Variants in KHDRBS2 observed in about 807,000 individuals in gnomAD.
KHDRBS2 encodes the protein KH RNA binding domain containing, signal transduction associated 2.
A neutral mutation model predicts 44.3 loss-of-function variants in KHDRBS2; 26 were observed. The ratio of observed to expected loss-of-function variants is 0.59; its 90% CI spans 0.43 to 0.81. The LOEUF is 0.81. KHDRBS2 is among the 40% of genes least tolerant of loss of function. The probability of loss-of-function intolerance (pLI) is 0.00; values close to 1 mark genes in which losing one functional copy is unlikely to be tolerated. For missense variants in KHDRBS2, 476 were observed against 433.1 expected (o/e 1.10, Z -0.88); for synonymous variants, 194 against 151.1 (o/e 1.28, Z -2.08).
intron 1 of KHDRBS2, among the ~76,000 whole-genome samples, chr6:62,254,125 A>G (rs1236056124): frequency 3.9e-5 from 6 of 152,058 alleles, no homozygotes; most frequent in Admixed American, 3.9e-4. Flanking sequence ...AAACAATTAC[A>G]TGATAACATT....
chr6:61,568,031 A>T, the KHDRBS2 span, among the ~76,000 whole-genome samples: 73 of 152,262 alleles, frequency 4.8e-4, no homozygotes, highest in Non-Finnish European at 9.4e-4. Context: ...AGAGAGATAC[A>T]GGTCCAATGT....
chr6:61,772,899 T>C, intron 6 of KHDRBS2, among the ~76,000 whole-genome samples: 1 of 152,136 alleles, frequency 6.6e-6, no homozygotes, highest in Non-Finnish European at 1.5e-5. Flanking sequence ...TGTTTGGTTT[T>C]TTGTTCTTGC....
At chr6:61,602,513 A>G in the KHDRBS2 span, among the ~76,000 whole-genome samples, 2 of 151,970 alleles carry the variant, frequency 1.3e-5, no homozygotes, top group Non-Finnish European at 2.9e-5. Flanking sequence ...AGCCCCTGGA[A>G]CTCTGGCCCA....
At chr6:61,695,108 G>A (rs913793955) in intron 8 of KHDRBS2, among the ~76,000 whole-genome samples, 2 of 152,020 alleles carry the variant, frequency 1.3e-5, no homozygotes, top group Non-Finnish European at 2.9e-5. Context: ...TAGGAAGGAC[G>A]ATTTAGGATT....
chr6:61,796,544 G>T (rs530997711), intron 6 of KHDRBS2, among the ~76,000 whole-genome samples: 1 of 151,574 alleles, frequency 6.6e-6, no homozygotes, highest in South Asian at 2.1e-4. Context: ...TTCTTAAAGG[G>T]TACATTAAAA....
At chr6:62,249,804 C>T (rs766730625) in intron 1 of KHDRBS2, among the ~76,000 whole-genome samples, 1 of 152,016 alleles carries the variant, frequency 6.6e-6, no homozygotes, top group South Asian at 2.1e-4. Flanking sequence ...AGAACATGCT[C>T]TTCCACTCTC....
chr6:61,804,664 T>G (rs1174395372), intron 6 of KHDRBS2, among the ~76,000 whole-genome samples: 3 of 152,226 alleles, frequency 2.0e-5, no homozygotes, highest in African/African-American at 7.2e-5. Flanking sequence ...TCTTGATTTC[T>G]GTAGACCTGC....
the KHDRBS2 span, among the ~76,000 whole-genome samples, chr6:61,653,776 G>C: frequency 1.3e-5 from 2 of 151,962 alleles, no homozygotes; most frequent in African/African-American, 4.8e-5. Flanking sequence ...TTATAACATA[G>C]CAAAAGAAAG....
chr6:61,973,563 A>G (rs1393207450), intron 4 of KHDRBS2, among the ~76,000 whole-genome samples: 1 of 152,206 alleles, frequency 6.6e-6, no homozygotes, highest in Non-Finnish European at 1.5e-5. Context: ...AATCACAGCT[A>G]TCACTAAGAC....
At chr6:61,891,841 A>G (rs1284119382) in intron 6 of KHDRBS2, among the ~76,000 whole-genome samples, 3 of 152,176 alleles carry the variant, frequency 2.0e-5, no homozygotes, top group African/African-American at 7.2e-5. Flanking sequence ...AAACTGGCAC[A>G]AGACAGGGAT....
the KHDRBS2 span, among the ~76,000 whole-genome samples, chr6:61,586,918 C>T: frequency 6.6e-6 from 1 of 152,118 alleles, no homozygotes; most frequent in Non-Finnish European, 1.5e-5. Context: ...AGGGTTTTTG[C>T]ATTTCTCAAG....
chr6:61,734,436 C>G lies in KHDRBS2; in HGVS notation c.811-1672G>C, dbSNP rs530924238. On this transcript the variant is annotated intron_variant, in intron 6 of 8. Transcript: ENST00000281156. ...ACCTTCAGCTCTCTTTCAGTATTTT[C>G]ATCTATTATTTTAGTATTCATTTTT... Among the ~76,000 whole-genome samples the G allele has an allele frequency of 2.0e-5, 3 of 152,052 alleles. No homozygotes were observed. In the South Asian group the frequency reaches 6.2e-4, roughly 32 times the overall value.
At chr6:61,877,804 ATTATT>A (rs1373764673) in intron 6 of KHDRBS2, among the ~76,000 whole-genome samples, 1 of 151,892 alleles carries the variant, frequency 6.6e-6, no homozygotes, top group African/African-American at 2.4e-5. Context: ...ATTATCTTAC[ATTATT>A]TTATTTGTAG....
chr6:61,948,749 G>A (rs1033340856), intron 4 of KHDRBS2, among the ~76,000 whole-genome samples: 44 of 150,912 alleles, frequency 2.9e-4, no homozygotes, highest in Non-Finnish European at 7.4e-5. Flanking sequence ...CTGGCCTCAA[G>A]TGATCCTCCA....
At chr6:62,032,245 G>T (rs1018459928) in intron 3 of KHDRBS2, among the ~76,000 whole-genome samples, 3 of 152,076 alleles carry the variant, frequency 2.0e-5, no homozygotes, top group South Asian at 2.1e-4. Flanking sequence ...TTGAGTCAGT[G>T]GGGGGAAAGG....
At chr6:61,909,309 T>A (rs1805624824) in intron 4 of KHDRBS2, among the ~76,000 whole-genome samples, 1 of 152,114 alleles carries the variant, frequency 6.6e-6, no homozygotes, top group South Asian at 2.1e-4. Context: ...GCTCAAGTGA[T>A]CCGCCCGTCT....
chr6:62,252,710 G>T (rs529624147), intron 1 of KHDRBS2, among the ~76,000 whole-genome samples: 1 of 152,038 alleles, frequency 6.6e-6, no homozygotes, highest in South Asian at 2.1e-4. Context: ...TAAAAGAATA[G>T]AAAACAAATG....
chr6:61,634,577 A>G, the KHDRBS2 span, among the ~76,000 whole-genome samples: 1 of 152,038 alleles, frequency 6.6e-6, no homozygotes, highest in East Asian at 1.9e-4. Context: ...ACTGACAAAC[A>G]GTTGATCTGT....
intron 6 of KHDRBS2, among the ~76,000 whole-genome samples, chr6:61,789,135 A>T (rs372507722): frequency 1.9e-4 from 29 of 151,560 alleles, no homozygotes; most frequent in African/African-American, 6.5e-4. Flanking sequence ...AATAATCTTC[A>T]AAATATTAAT....
Sources: gnomAD v4.1 joint callset for allele counts (sites outside exome capture counted in the v4.1 genomes callset) on GRCh38, gnomAD v4.1.1 for gene constraint, MANE v1.5 for transcripts, NCBI Gene and HGNC (gene_info 2026-07-23, HGNC 2026-07-21) for gene names.